The following ULK4 variants were observed in gnomAD, a reference collection of about 807,000 sequenced individuals.
The protein encoded by ULK4 is inactive serine/threonine-protein kinase ULK4.
Under a neutral mutation model 160.6 loss-of-function variants are expected in ULK4, and 133 were observed. The observed-to-expected ratio is 0.83, with a 90% confidence interval of 0.72 to 0.96. ULK4 has a LOEUF of 0.96. Among genes scored for constraint, ULK4 ranks in the 40% least tolerant of loss-of-function variants. The pLI is 0.00. For synonymous variants in ULK4, 534 were observed against 539.8 expected (o/e 0.99, Z 0.15); for missense variants, 1,580 against 1,499.5 (o/e 1.05, Z -0.89).
intron 32 of ULK4, among the ~76,000 whole-genome samples, chr3:41,484,307 A>T (rs35425059): frequency 0.42 from 63,480 of 151,702 alleles, 13,531 homozygotes; most frequent in African/African-American, 0.47. Context: ...TGTGGGAAAA[A>T]TTTTATAAAT....
chr3:41,802,892 C>T (rs1245687076), intron 19 of ULK4, among the ~76,000 whole-genome samples: 2 of 152,090 alleles, frequency 1.3e-5, no homozygotes, highest in Non-Finnish European at 2.9e-5. Context: ...ATAGGCTGGG[C>T]GCAGTGGCTC....
At chr3:41,546,800 G>A (rs1338586125) in intron 32 of ULK4, among the ~76,000 whole-genome samples, 1 of 141,082 alleles carries the variant, frequency 7.1e-6, no homozygotes, top group Non-Finnish European at 1.5e-5. Context: ...AAGCCAGAGT[G>A]AACACAAGTT....
chr3:41,444,342 T>C (rs1031120003), intron 34 of ULK4, among the ~76,000 whole-genome samples: 1 of 150,276 alleles, frequency 6.7e-6, no homozygotes, highest in Non-Finnish European at 1.5e-5. Context: ...GGTATCTCTT[T>C]CTAAATGATT....
intron 29 of ULK4, among the ~76,000 whole-genome samples, chr3:41,665,478 A>G (rs548726816): frequency 3.3e-5 from 5 of 152,324 alleles, no homozygotes; most frequent in African/African-American, 1.2e-4. Context: ...AACTGGGGTA[A>G]TGAGTCAAGA....
At chr3:41,733,311 A>G (rs2037899045) in intron 22 of ULK4, among the ~76,000 whole-genome samples, 1 of 152,106 alleles carries the variant, frequency 6.6e-6, no homozygotes, top group Non-Finnish European at 1.5e-5. Flanking sequence ...ATCACACACA[A>G]GCAGAAAAGG....
intron 32 of ULK4, among the ~76,000 whole-genome samples, chr3:41,541,343 T>A (rs983485625): frequency 4.6e-5 from 7 of 152,188 alleles, no homozygotes; most frequent in Admixed American, 2.6e-4. Context: ...GTTGTAGATG[T>A]GTGGTGTTAT....
intron 32 of ULK4, among the ~76,000 whole-genome samples, chr3:41,508,969 T>A (rs1439550670): frequency 6.6e-6 from 1 of 151,944 alleles, no homozygotes; most frequent in Non-Finnish European, 1.5e-5. Flanking sequence ...CAAACCAAGA[T>A]GAAATCTCTG....
chr3:41,823,675 C>G (rs954838453), intron 18 of ULK4, among the ~76,000 whole-genome samples: 2 of 152,122 alleles, frequency 1.3e-5, no homozygotes, highest in Non-Finnish European at 2.9e-5. Context: ...CAGGTTAGCA[C>G]TGACCTGAGA....
chr3:41,886,574 ATTT>A (rs1280152000), intron 16 of ULK4, among the ~76,000 whole-genome samples: 2 of 145,266 alleles, frequency 1.4e-5, no homozygotes, highest in Admixed American at 1.4e-4. Context: ...TAAAATGTGA[ATTT>A]TTTTTTTTTT....
intron 27 of ULK4, among the ~76,000 whole-genome samples, chr3:41,699,083 T>C (rs1013891760): frequency 1.3e-5 from 2 of 152,226 alleles, no homozygotes; most frequent in Non-Finnish European, 2.9e-5. Flanking sequence ...TGAGCACTTT[T>C]AGCTCATTTC....
At chr3:41,800,376 T>C (rs1238661937) in intron 19 of ULK4, 83 bp from the exon 20 acceptor site, 15 of 1,404,910 alleles carry the variant, frequency 1.1e-5, no homozygotes, top group African/African-American at 1.5e-5. Flanking sequence ...AATAATGTTA[T>C]GATACCAAGA....
chr3:41,393,623 T>A (rs1376618324), intron 35 of ULK4, among the ~76,000 whole-genome samples: 2 of 152,202 alleles, frequency 1.3e-5, no homozygotes, highest in Admixed American at 6.5e-5. Flanking sequence ...GTTGCTTCCA[T>A]GTCTCTCTGG....
chr3:41,820,035 CAGA>C (rs1253502333), intron 18 of ULK4, among the ~76,000 whole-genome samples: 2 of 152,100 alleles, frequency 1.3e-5, no homozygotes, highest in African/African-American at 4.8e-5. Context: ...AATTCTCTCC[CAGA>C]AGATTAACCA....
rs551597369 is a variant in ULK4 at position 41,500,259 on chromosome 3, G to C, written c.3227-37006C>G. Among the ~76,000 whole-genome samples, 271 of 145,688 alleles carry C rather than the reference G, an allele frequency of 1.9e-3. 2 individuals carry two copies. Among genetic ancestry groups the C allele is most frequent in the Non-Finnish European group, 2.7e-3 (182 of 66,728 alleles). ...TCTAGCTTCCTAAATTGCAAGCCTA[G>C]CTCATTAATTTTCATCTTATCTTTT... is the stretch of plus-strand genomic sequence containing the variant. On this transcript the variant is annotated intron_variant, in intron 32 of 36. Coordinates refer to ENST00000301831, the MANE Select transcript of ULK4 (RefSeq NM_017886.4).
chr3:41,628,814 G>C (rs1414413315), intron 30 of ULK4, among the ~76,000 whole-genome samples: 2 of 152,136 alleles, frequency 1.3e-5, no homozygotes, highest in Non-Finnish European at 2.9e-5. Context: ...GCTGGCTGAA[G>C]GACACATGGA....
At chr3:41,961,957 AC>A (rs1455995581) in intron 1 of ULK4, 58 bp downstream of exon 1, 1 of 152,390 alleles carries the variant, frequency 6.6e-6, no homozygotes, top group Non-Finnish European at 1.5e-5. Context: ...CTCTTCCGCG[AC>A]CGCTTAGGCA....
intron 17 of ULK4, among the ~76,000 whole-genome samples, chr3:41,840,240 A>T (rs767790517): frequency 1.3e-5 from 2 of 152,176 alleles, no homozygotes; most frequent in Non-Finnish European, 2.9e-5. Context: ...ACCAACCTGG[A>T]CAACAAAGCA....
At chr3:41,651,992 A>AT (rs2034762789) in intron 30 of ULK4, among the ~76,000 whole-genome samples, 1 of 152,192 alleles carries the variant, frequency 6.6e-6, no homozygotes, top group African/African-American at 2.4e-5. Flanking sequence ...CCAGAGAAGA[A>AT]TAACTATAAT....
At chr3:41,744,523 A>G (rs1012394909) in intron 22 of ULK4, among the ~76,000 whole-genome samples, 1 of 151,946 alleles carries the variant, frequency 6.6e-6, no homozygotes, top group Non-Finnish European at 1.5e-5. Context: ...AGTATGCAGC[A>G]AACAATGAGG....
Sources: gnomAD v4.1 joint callset for allele counts (sites outside exome capture counted in the v4.1 genomes callset) on GRCh38, gnomAD v4.1.1 for gene constraint, MANE v1.5 for transcripts, NCBI Gene and HGNC (gene_info 2026-07-23, HGNC 2026-07-21) for gene names.